UNC79: variants seen among roughly 807,000 people sequenced by gnomAD.
UNC79 encodes the protein protein unc-79 homolog.
UNC79 carries 37 observed loss-of-function variants against 283.1 expected under a neutral mutation model. The observed-to-expected ratio is 0.13, with a 90% confidence interval of 0.10 to 0.17. UNC79 has a LOEUF of 0.17. Ranked by LOEUF, UNC79 falls within the 10% of genes least tolerant of loss-of-function variation. The probability of loss-of-function intolerance (pLI) is 1.00; values close to 1 mark genes in which losing one functional copy is unlikely to be tolerated. For synonymous variants in UNC79, 1,107 were observed against 1,200.2 expected (o/e 0.92, Z 1.61); for missense variants, 2,272 against 3,211.1 (o/e 0.71, Z 7.07).
At chr14:93,373,991 G>A (rs934032866) in intron 1 of UNC79, among the ~76,000 whole-genome samples, 21 of 151,984 alleles carry the variant, frequency 1.4e-4, no homozygotes, top group African/African-American at 4.6e-4. Context: ...AATCAAAAGC[G>A]GTGGAGGCTT....
intron 31 of UNC79, 165 bp from the exon 35 acceptor site, chr14:93,637,051 C>T (rs2068567773): frequency 1.2e-5 from 8 of 661,058 alleles, no homozygotes; most frequent in Admixed American, 2.7e-5. Flanking sequence ...AGTAAAGCCC[C>T]AAATAACCCT....
chr14:93,682,954 G>A (rs912856743), intron 42 of UNC79, among the ~76,000 whole-genome samples: 21 of 152,212 alleles, frequency 1.4e-4, no homozygotes, highest in Admixed American at 6.5e-5. Context: ...AGTAAATGCT[G>A]TGAAAATGTT....
At chr14:93,568,728 CTAGTTTAT>C (rs2063047151) in intron 14 of UNC79, among the ~76,000 whole-genome samples, 1 of 151,990 alleles carries the variant, frequency 6.6e-6, no homozygotes, top group Admixed American at 6.6e-5. Flanking sequence ...AAAAAACTTA[CTAGTTTAT>C]ATAAGAGCTC....
Position 93,522,643 on chromosome 14 carries a change from G to A in UNC79, c.899-1335G>A, listed in dbSNP as rs967560789. On this transcript the variant is annotated intron_variant, in intron 7 of 48. Coordinates refer to ENST00000555664, the Ensembl canonical transcript of UNC79. ...CTCATAGTTATGAAGCGCCTATACCGAAATTATTTCTTCATCAATCTGTTC... is the reference window on the plus strand; with the variant it reads ...CTCATAGTTATGAAGCGCCTATACCAAAATTATTTCTTCATCAATCTGTTC... 5.3e-5 allele frequency among the ~76,000 whole-genome samples: 8 copies of A among 152,114 alleles called. No homozygotes were observed. In the East Asian group the frequency reaches 7.7e-4, roughly 15 times the overall value.
chr14:93,673,843 T>C (rs2073102338), intron 41 of UNC79, among the ~76,000 whole-genome samples: 1 of 152,082 alleles, frequency 6.6e-6, no homozygotes, highest in Non-Finnish European at 1.5e-5. Flanking sequence ...CAAATGAGTA[T>C]GGGTGATCCC....
chr14:93,508,073 A>G (rs1187968103), intron 7 of UNC79, among the ~76,000 whole-genome samples: 2 of 151,998 alleles, frequency 1.3e-5, no homozygotes, highest in East Asian at 1.9e-4. Flanking sequence ...AAATACTTTT[A>G]TGTTATAGCC....
chr14:93,528,816 T>G (rs1312263185), intron 9 of UNC79, among the ~76,000 whole-genome samples, 170 bp downstream of exon 9: 1 of 152,208 alleles, frequency 6.6e-6, no homozygotes, highest in African/African-American at 2.4e-5. Context: ...CTGGGAACAT[T>G]ACAGCTTTGA....
At chr14:93,392,222 A>G (rs1396865367) in intron 1 of UNC79, among the ~76,000 whole-genome samples, 1 of 152,238 alleles carries the variant, frequency 6.6e-6, no homozygotes, top group Non-Finnish European at 1.5e-5. Flanking sequence ...TGATATTTGT[A>G]CAAAGGACTA....
intron 35 of UNC79, among the ~76,000 whole-genome samples, chr14:93,647,205 A>G (rs1157208519): frequency 6.6e-6 from 1 of 152,244 alleles, no homozygotes; most frequent in Non-Finnish European, 1.5e-5. Context: ...GTATTTATGG[A>G]GTGACTACTA....
chr14:93,464,749 T>A (rs1190321932), intron 1 of UNC79, among the ~76,000 whole-genome samples: 1 of 152,096 alleles, frequency 6.6e-6, no homozygotes, highest in Non-Finnish European at 1.5e-5. Flanking sequence ...TTGGGCCCAA[T>A]TATTCGAGCC....
intron 26 of UNC79, among the ~76,000 whole-genome samples, chr14:93,611,775 G>A (rs2066325302): frequency 6.6e-6 from 1 of 151,960 alleles, no homozygotes; most frequent in Non-Finnish European, 1.5e-5. Context: ...AGATGAGAAT[G>A]CCAGTGTGCT....
At chr14:93,418,393 G>T (rs2055511153) in intron 1 of UNC79, among the ~76,000 whole-genome samples, 1 of 151,656 alleles carries the variant, frequency 6.6e-6, no homozygotes, top group Non-Finnish European at 1.5e-5. Flanking sequence ...TTGTCTCAGA[G>T]GAGTACCCGG....
chr14:93,507,666 CTT>C (rs1191872818), intron 7 of UNC79, among the ~76,000 whole-genome samples: 1 of 152,030 alleles, frequency 6.6e-6, no homozygotes, highest in Non-Finnish European at 1.5e-5. Context: ...TGGGGTTACT[CTT>C]TTATTTTCTT....
At chr14:93,482,993 C>CTGCT (rs761518675) in intron 4 of UNC79, among the ~76,000 whole-genome samples, 42 of 152,344 alleles carry the variant, frequency 2.8e-4, no homozygotes, top group Non-Finnish European at 5.0e-4. Context: ...TGTCTTCACT[C>CTGCT]TGCTCCAGGA....
chr14:93,395,572 G>A (rs1240573732), intron 1 of UNC79, among the ~76,000 whole-genome samples: 1 of 152,226 alleles, frequency 6.6e-6, no homozygotes, highest in Non-Finnish European at 1.5e-5. Context: ...AGGTGATGGG[G>A]AGGGCCCCCA....
chr14:93,407,633 G>A (rs2055253322), intron 1 of UNC79, among the ~76,000 whole-genome samples: 1 of 152,108 alleles, frequency 6.6e-6, no homozygotes, highest in African/African-American at 2.4e-5. Flanking sequence ...GATCATTGGA[G>A]TGCACTCTAG....
chr14:93,488,497 TGG>T lies in UNC79; in HGVS notation c.712+743_712+744del, dbSNP rs1491423213. Reference sequence around the variant, plus strand: ...AAAGTAAACAAATCCAGTGACACTGTGGTTTTTTTTTGCTATCTACTTAATTA... The same window carrying T: ...AAAGTAAACAAATCCAGTGACACTGTTTTTTTTTTGCTATCTACTTAATTA... On this transcript the variant is annotated intron_variant, in intron 5 of 48. Transcript: ENST00000555664. 3.1e-5 allele frequency among the ~76,000 whole-genome samples: 4 copies of T among 130,804 alleles called. No homozygotes were observed. The East Asian group carries it at 6.1e-4, about 20-fold the overall frequency. 85.8% of individuals were successfully genotyped at this position (130,804 alleles called of 152,430 possible).
At chr14:93,616,716 T>G (rs1248073816) in intron 27 of UNC79, among the ~76,000 whole-genome samples, 1 of 152,142 alleles carries the variant, frequency 6.6e-6, no homozygotes, top group Admixed American at 6.5e-5. Flanking sequence ...CCTGAAAGAT[T>G]GTATCAAGTT....
intron 10 of UNC79, 64 bp from the exon 11 acceptor site, chr14:93,532,486 A>C (rs1258814755): frequency 3.2e-6 from 5 of 1,548,752 alleles, no homozygotes; most frequent in African/African-American, 1.4e-5. Context: ...TAAATTAATT[A>C]ATTAAATAAA....
Sources: gnomAD v4.1 joint callset for allele counts (sites outside exome capture counted in the v4.1 genomes callset) on GRCh38, gnomAD v4.1.1 for gene constraint, MANE v1.5 for transcripts, NCBI Gene and HGNC (gene_info 2026-07-23, HGNC 2026-07-21) for gene names.